FHOD1: variants seen among roughly 807,000 people sequenced by gnomAD.
FHOD1 encodes the protein formin homology 2 domain containing 1.
A neutral mutation model predicts 111.6 loss-of-function variants in FHOD1; 89 were observed. That is an observed-to-expected ratio of 0.80 (90% confidence interval 0.67 to 0.95). The LOEUF is 0.95. Among genes scored for constraint, FHOD1 ranks in the 40% least tolerant of loss-of-function variants. FHOD1 has a pLI of 0.00. For synonymous variants in FHOD1, 618 were observed against 639.0 expected (o/e 0.97, Z 0.50); for missense variants, 1,446 against 1,554.2 (o/e 0.93, Z 1.17).
intron 1 of FHOD1, among the ~76,000 whole-genome samples, chr16:67,244,351 A>G (rs889359430): frequency 5.3e-5 from 8 of 151,988 alleles, no homozygotes; most frequent in African/African-American, 1.9e-4. Context: ...AGAGGGACAC[A>G]TTCTCCCCTC....
chr16:67,229,871 C>G lies in FHOD1; in HGVS notation c.3334G>C (p.Val1112Leu). 1.2e-6 allele frequency: 2 copies of G among 1,614,210 alleles called. No individual in the cohort carries two copies. Among genetic ancestry groups the G allele is most frequent in the South Asian group, 1.1e-5 (1 of 91,082 alleles). Reference protein sequence around the residue: ...DTSDEIMDLLVQSVTKSSPRA... With the variant: ...DTSDEIMDLLLQSVTKSSPRA... ...GGACTGCTCTTGGTCACTGACTGCA[C>G]CAGAAGGTCCATGATCTCATCTGAT... Residue 1112 changes from valine to leucine, a missense_variant, in exon 21 of 22, where the codon GTG (valine) becomes CTG (leucine). Physicochemically the swap from Val to Leu is conservative, Grantham distance 32. This residue lies in a region of FHOD1 where 1,085 missense variants were observed against 1,108.8 expected (regional missense o/e 0.98). Transcript: ENST00000258201.
At position 67,230,714 on chromosome 16, in the gene FHOD1, G is replaced by C; in HGVS notation, c.2745C>G (p.Ser915Arg). ...RSRAAEESLR[S>R]LAKHELAPAL... Reference sequence around the variant, plus strand: ...CTGGGGCCAGCTCATGCTTGGCCAAGCTCCGCAGGCTCTCCTCGGCTGCCC... The same window carrying C: ...CTGGGGCCAGCTCATGCTTGGCCAACCTCCGCAGGCTCTCCTCGGCTGCCC... Residue 915 changes from serine to arginine, a missense_variant, in exon 18 of 22, where the codon AGC becomes AGG. This residue lies in a region of FHOD1 where 1,085 missense variants were observed against 1,108.8 expected (regional missense o/e 0.98). Transcript: ENST00000258201. 6.2e-7 allele frequency: 1 copy of C among 1,613,372 alleles called. No individual in the cohort carries two copies. Among genetic ancestry groups the C allele is most frequent in the Non-Finnish European group, 8.5e-7 (1 of 1,179,696 alleles).
In FHOD1 at chr16:67,237,243, T is replaced by A. The variant is rs763095522; in HGVS notation, c.989A>T (p.Tyr330Phe). The A allele has an allele frequency of 6.2e-7, 1 of 1,613,354 alleles. No homozygotes were observed. The stretch of plus-strand genomic sequence containing the variant: ...AGAGCGTAAGGCCCGGCCCACCTCG[T>A]AGAGCACAAGCTGCGTGCGCAGGTC... ...DVDLRTQLVL[Y>F]ENALKLEDGD... Residue 330 changes from tyrosine to phenylalanine, a missense_variant, in exon 9 of 22, where the codon TAC becomes TTC. Physicochemically the swap from Tyr to Phe is conservative, Grantham distance 22. This residue lies in a region of FHOD1 where 234 missense variants were observed against 327.4 expected (regional missense o/e 0.71). Coordinates refer to ENST00000258201, the MANE Select transcript of FHOD1 (RefSeq NM_013241.3). This position sits in a 1 kb window ranked among gnomAD's most constrained non-coding sequence, Gnocchi z 5.6.
In FHOD1 at chr16:67,234,069, T is replaced by G; in HGVS notation, c.1634A>C (p.Asp545Ala). The G allele has an allele frequency of 2.5e-6, 4 of 1,612,714 alleles. No homozygotes were observed. The highest frequency in any genetic ancestry group is 3.4e-6 in the Non-Finnish European group (4 of 1,179,136). ...RAPRLSIGDLDFSDLGEDEDQ... is the reference protein window; with the variant it reads ...RAPRLSIGDLAFSDLGEDEDQ... ...TTCATCCTCCCCTAGATCTGAAAAG[T>G]CCAGGTCCCCAATAGAGAGCCTGGG... Residue 545 changes from aspartate to alanine, a missense_variant, in exon 13 of 22, where the codon GAC becomes GCC. Around this residue, in one of 3 missense-constraint regions of FHOD1, gnomAD observed 1,085 missense variants for 1,108.8 expected, o/e 0.98. Coordinates refer to ENST00000258201, the MANE Select transcript of FHOD1 (RefSeq NM_013241.3).
chr16:67,233,368 G>A (rs763246896), intron 13 of FHOD1, among the ~76,000 whole-genome samples: 7 of 152,220 alleles, frequency 4.6e-5, no homozygotes, highest in Middle Eastern at 3.4e-3. Context: ...TTACAGGCAT[G>A]AGCCACTACA....
chr16:67,231,389 A>G lies in FHOD1; in HGVS notation c.2506-40T>C. The G allele has an allele frequency of 6.2e-7, 1 of 1,613,984 alleles. No homozygotes were observed. The highest frequency in any genetic ancestry group is 8.5e-7 in the Non-Finnish European group (1 of 1,179,976). Reference sequence around the variant, plus strand: ...TCTGAGCCTGGGCCTGGTTGGCTCCAGAACCCTGACTCCCCCTAGTCCCCA... The same window carrying G: ...TCTGAGCCTGGGCCTGGTTGGCTCCGGAACCCTGACTCCCCCTAGTCCCCA... On this transcript the variant is annotated intron_variant, in intron 16 of 21. Transcript: ENST00000258201. This position sits in a 1 kb window ranked among gnomAD's most constrained non-coding sequence, Gnocchi z 4.3.
intron 1 of FHOD1, chr16:67,246,856 C>T (rs2034860860): frequency 1.1e-5 from 3 of 276,462 alleles, no homozygotes; most frequent in Non-Finnish European, 2.0e-5. Flanking sequence ...CTGGTCCCTC[C>T]CCAGCTCCGC....
At chr16:67,243,772 T>C (rs1241395125) in intron 1 of FHOD1, among the ~76,000 whole-genome samples, 2 of 152,174 alleles carry the variant, frequency 1.3e-5, no homozygotes, top group African/African-American at 4.8e-5. Context: ...ATACTGGTCC[T>C]CCCAGTTCCA....
chr16:67,234,054 C>G lies in FHOD1; in HGVS notation c.1649G>C (p.Gly550Ala). 4 of 1,613,646 alleles carry G rather than the reference C, an allele frequency of 2.5e-6. No individual in the cohort carries two copies. Among genetic ancestry groups the G allele is most frequent in the Non-Finnish European group, 3.4e-6 (4 of 1,179,814 alleles). The change falls in exon 13 of 22, where the codon GGG becomes GCG. Residue 550 changes from glycine to alanine, a missense_variant. Gly to Ala is a moderately conservative substitution (Grantham distance 60). Around this residue, in one of 3 missense-constraint regions of FHOD1, gnomAD observed 1,085 missense variants for 1,108.8 expected, o/e 0.98. Transcript: ENST00000258201. Reference sequence around the variant, plus strand: ...CAGCATGTCCTGGTCTTCATCCTCCCCTAGATCTGAAAAGTCCAGGTCCCC... The same window carrying G: ...CAGCATGTCCTGGTCTTCATCCTCCGCTAGATCTGAAAAGTCCAGGTCCCC... The part of the protein sequence containing the change: ...SIGDLDFSDL[G>A]EDEDQDMLNV...
Position 67,239,453 on chromosome 16 carries a change from A to T in FHOD1, c.203T>A (p.Leu68Ter). 3 of 1,611,946 alleles carry T rather than the reference A, an allele frequency of 1.9e-6. No homozygotes were observed. The highest frequency in any genetic ancestry group is 2.5e-6 in the Non-Finnish European group (3 of 1,178,146). The change falls in exon 2 of 22, where the codon TTG becomes TAG. Residue 68 changes from leucine (L) to a stop codon, truncating the protein, a stop_gained and splice_region_variant. Coordinates refer to ENST00000258201, the MANE Select transcript of FHOD1 (RefSeq NM_013241.3). LOFTEE classifies it high-confidence loss of function. ...AGACACTTGCAGAGCACAATCCTCC[A>T]ACTGGGGGCAAAGGGAACAGCTGTG... ...VHRLLGAPLK[L>*]EDCALQVSPS...
intron 11 of FHOD1, among the ~76,000 whole-genome samples, chr16:67,235,654 C>G (rs1313310178): frequency 6.6e-6 from 1 of 152,150 alleles, no homozygotes; most frequent in Admixed American, 6.5e-5. Context: ...CTCTCAGTCC[C>G]TGCCTTTCCC....
chr16:67,242,318 G>T (rs1006313826), intron 1 of FHOD1, among the ~76,000 whole-genome samples: 3 of 152,118 alleles, frequency 2.0e-5, no homozygotes, highest in Admixed American at 6.5e-5. Context: ...GTCCAATCCT[G>T]CCAGGGCCCC....
chr16:67,237,601 G>C lies in FHOD1; in HGVS notation c.755-32C>G. 6.2e-7 allele frequency: 1 copy of C among 1,613,220 alleles called. No homozygotes were observed. The highest frequency in any genetic ancestry group is 1.1e-5 in the South Asian group (1 of 91,064). On this transcript the variant is annotated intron_variant, in intron 7 of 21. Transcript: ENST00000258201. The surrounding 1 kb of genome is among the most constrained non-coding windows in gnomAD (Gnocchi z 5.6). ...CACAGAAAGTGGAGCAGTCATGGGG[G>C]AACAGGTAGGAGAGAGGGCTCTGAG...
rs140494658 is a variant in FHOD1 at position 67,245,951 on chromosome 16, C to T, written c.201+1259G>A. Among the ~76,000 whole-genome samples the T allele has an allele frequency of 3.3e-3, 505 of 152,360 alleles. 2 individuals carry two copies. The highest frequency in any genetic ancestry group is 0.011 in the African/African-American group (466 of 41,580). ...GGGAGGTGGCCTCCAGCTGCACACG[C>T]TTCTTCCAGGCACACCTCAATTTGC... On this transcript the variant is annotated intron_variant, in intron 1 of 21. Transcript: ENST00000258201.
intron 13 of FHOD1, 46 bp from the exon 14 acceptor site, chr16:67,232,240 T>C: frequency 6.2e-7 from 1 of 1,603,322 alleles, no homozygotes; most frequent in Admixed American, 1.7e-5. Flanking sequence ...GAAGGGGGCC[T>C]GACGCGGTGG....
chr16:67,239,434 T>C lies in FHOD1; in HGVS notation c.222A>G (p.Gln74=). 1 of 1,614,036 alleles carries C rather than the reference T, an allele frequency of 6.2e-7. No homozygotes were observed. The highest frequency in any genetic ancestry group is 8.5e-7 in the Non-Finnish European group (1 of 1,179,950). ...CCAGGTAGTATCCGGAGGGAGACAC[T>C]TGCAGAGCACAATCCTCCAACTGGG... ...APLKLEDCAL[Q]VSPSGYYLDT... Residue 74 remains glutamine (Q), a synonymous_variant, in exon 2 of 22, where the codon CAA becomes CAG. Transcript: ENST00000258201.
At position 67,232,191 on chromosome 16, in the gene FHOD1, CT is replaced by C; in HGVS notation, c.2049del (p.Ala684LeufsTer8). The C allele has an allele frequency of 1.2e-6, 2 of 1,614,058 alleles. No homozygotes were observed. The highest frequency in any genetic ancestry group is 1.7e-6 in the Non-Finnish European group (2 of 1,179,992). On this transcript the variant is annotated frameshift_variant and splice_region_variant, in exon 14 of 22. Coordinates refer to ENST00000258201, the MANE Select transcript of FHOD1 (RefSeq NM_013241.3). LOFTEE classifies it high-confidence loss of function. ...SRAKEVLPSK[K>X]AGEGRRTMTT... ...GTCATTGTCCGGCGGCCCTCTCCAGCTTTCTGCATGGTTGGGGGAAGGGCAG... is the reference window on the plus strand; with the variant it reads ...GTCATTGTCCGGCGGCCCTCTCCAGCTTCTGCATGGTTGGGGGAAGGGCAG...
In FHOD1 at chr16:67,231,806, A is replaced by G; in HGVS notation, c.2216T>C (p.Met739Thr). ...SKDGIEKLLT[M>T]MPTEEERQKI... is the part of the protein sequence containing the mutation. The stretch of plus-strand genomic sequence containing the variant: ...CTGCCGCTCTTCCTCCGTGGGCATC[A>G]TGGTCAGTAGCTTCTGAGGATGTAG... Residue 739 changes from methionine (M) to threonine (T), a missense_variant, in exon 15 of 22, where the codon ATG becomes ACG. By Grantham distance (81) the Met-to-Thr change is moderately conservative. Coordinates refer to ENST00000258201, the MANE Select transcript of FHOD1 (RefSeq NM_013241.3). The surrounding 1 kb of genome is among the most constrained non-coding windows in gnomAD (Gnocchi z 4.3). 2 of 1,614,064 alleles carry G rather than the reference A, an allele frequency of 1.2e-6. No homozygotes were observed. The highest frequency in any genetic ancestry group is 1.7e-6 in the Non-Finnish European group (2 of 1,179,954).
rs780716486 is a variant in FHOD1 at position 67,230,248 on chromosome 16, G to A, written c.3052-20C>T. On this transcript the variant is annotated intron_variant, in intron 19 of 21. Coordinates refer to ENST00000258201, the MANE Select transcript of FHOD1 (RefSeq NM_013241.3). ...CTCTGTCTGGAGAAAGAAGAAGGGTGAGCTGGGAGGAGCGAAGGAAACCAA... is the reference window on the plus strand; with the variant it reads ...CTCTGTCTGGAGAAAGAAGAAGGGTAAGCTGGGAGGAGCGAAGGAAACCAA... The A allele has an allele frequency of 2.5e-6, 4 of 1,613,538 alleles. No homozygotes were observed. The East Asian group carries it at 8.9e-5, about 36-fold the overall frequency.
Sources: gnomAD v4.1 joint callset for allele counts (sites outside exome capture counted in the v4.1 genomes callset) on GRCh38, gnomAD v4.1.1 for gene constraint, gnomAD v4.1.1 regional missense constraint, Gnocchi (gnomAD v3.1) non-coding constraint, MANE v1.5 for transcripts, NCBI Gene and HGNC (gene_info 2026-07-23, HGNC 2026-07-21) for gene names.